The following EXOC6B variants were observed in gnomAD, a reference collection of about 807,000 sequenced individuals.
EXOC6B encodes the protein SEC15 homolog B.
EXOC6B carries 54 observed loss-of-function variants against 113.5 expected under a neutral mutation model. The observed-to-expected ratio is 0.48, with a 90% CI of 0.38 to 0.60. The LOEUF (loss-of-function observed/expected upper bound fraction) is 0.60. EXOC6B is among the 20% of genes least tolerant of loss of function. The pLI, the probability that EXOC6B is intolerant of heterozygous loss-of-function variation, is 0.00. For synonymous variants in EXOC6B, 357 were observed against 339.0 expected, an observed-to-expected ratio of 1.05 and a Z score of -0.58; for missense variants, 797 against 977.5, an observed-to-expected ratio of 0.82 and a Z score of 2.46.
intron 6 of EXOC6B, among the ~76,000 whole-genome samples, chr2:72,605,009 C>T (rs1670661153): frequency 6.6e-6 from 1 of 152,060 alleles, no homozygotes; most frequent in Non-Finnish European, 1.5e-5. Flanking sequence ...GAATCTCCAA[C>T]TTGGCCAGGC....
At chr2:72,806,832 T>C (rs1445132215) in intron 1 of EXOC6B, among the ~76,000 whole-genome samples, 1 of 152,230 alleles carries the variant, frequency 6.6e-6, no homozygotes, top group Non-Finnish European at 1.5e-5. Flanking sequence ...ATGTGTGTCT[T>C]CTTTCGAAAA....
At chr2:72,283,719 GAA>G (rs1685262053) in intron 20 of EXOC6B, among the ~76,000 whole-genome samples, 1 of 152,082 alleles carries the variant, frequency 6.6e-6, no homozygotes, top group Non-Finnish European at 1.5e-5. Context: ...TGCCCCAGGA[GAA>G]ACTAGTCAAC....
At chr2:72,307,730 G>A (rs1184287706) in intron 20 of EXOC6B, among the ~76,000 whole-genome samples, 2 of 152,062 alleles carry the variant, frequency 1.3e-5, no homozygotes, top group Non-Finnish European at 2.9e-5. Context: ...TAGCAAGCAG[G>A]CATTCTTTGC....
intron 20 of EXOC6B, among the ~76,000 whole-genome samples, chr2:72,272,978 G>A (rs1224393894): frequency 6.6e-6 from 1 of 152,122 alleles, no homozygotes; most frequent in Non-Finnish European, 1.5e-5. Flanking sequence ...TAAAAGGTGA[G>A]ATTTTAGACT....
intron 16 of EXOC6B, among the ~76,000 whole-genome samples, chr2:72,489,523 T>C (rs1192996562): frequency 6.6e-6 from 1 of 152,202 alleles, no homozygotes; most frequent in Non-Finnish European, 1.5e-5. Context: ...GTATTTGCTA[T>C]ATACCAGGCA....
intron 18 of EXOC6B, among the ~76,000 whole-genome samples, chr2:72,447,822 T>C (rs1313799049): frequency 2.0e-5 from 3 of 152,178 alleles, no homozygotes; most frequent in South Asian, 2.1e-4. Context: ...GTTATACTTA[T>C]TATATGCAAT....
At chr2:72,357,953 C>T (rs919474922) in intron 19 of EXOC6B, among the ~76,000 whole-genome samples, 1 of 152,002 alleles carries the variant, frequency 6.6e-6, no homozygotes, top group Non-Finnish European at 1.5e-5. Flanking sequence ...AACCACCTTA[C>T]GAAGCACTTC....
chr2:72,543,935 A>G (rs539952904), intron 8 of EXOC6B, among the ~76,000 whole-genome samples: 1 of 152,328 alleles, frequency 6.6e-6, no homozygotes, highest in Non-Finnish European at 1.5e-5. Flanking sequence ...ACATTAAAAA[A>G]TATCTCTAAA....
At chr2:72,380,522 C>A (rs1422988976) in intron 18 of EXOC6B, among the ~76,000 whole-genome samples, 1 of 152,030 alleles carries the variant, frequency 6.6e-6, no homozygotes, top group Non-Finnish European at 1.5e-5. Flanking sequence ...CGCCTGTAGT[C>A]CCAGCTACTC....
rs749582646 is a variant in EXOC6B at position 72,733,091 on chromosome 2, G to A, written c.307C>T (p.Leu103=). The change falls in exon 3 of 22, where the codon CTA becomes TTA. Residue 103 remains leucine (L), a synonymous_variant. Transcript: ENST00000272427. ...CTTACTTCCTTTCCCTCATGTTGTA[G>A]TTTTCTATTAGTATCCGTCACTTGA... The part of the protein sequence containing the change: ...KNQVTDTNRK[L]QHEGKELVIA... 9 of 1,594,054 alleles carry A rather than the reference G, an allele frequency of 5.6e-6. No homozygotes were observed. Among genetic ancestry groups the A allele is most frequent in the Non-Finnish European group, 7.7e-6 (9 of 1,168,342 alleles).
intron 8 of EXOC6B, among the ~76,000 whole-genome samples, chr2:72,546,252 C>G (rs1316104947): frequency 6.6e-6 from 1 of 152,160 alleles, no homozygotes; most frequent in Non-Finnish European, 1.5e-5. Flanking sequence ...AGTTGGAGAC[C>G]AGCCTGGCCA....
intron 6 of EXOC6B, among the ~76,000 whole-genome samples, chr2:72,699,540 T>C (rs1379107967): frequency 6.6e-6 from 1 of 151,780 alleles, no homozygotes; most frequent in Non-Finnish European, 1.5e-5. Flanking sequence ...ACAGACTTCT[T>C]CATTAGGGAA....
chr2:72,700,159 G>T (rs553116740), intron 6 of EXOC6B, among the ~76,000 whole-genome samples: 1 of 150,366 alleles, frequency 6.7e-6, no homozygotes, highest in Admixed American at 6.7e-5. Context: ...GGTTTTCTAC[G>T]AATATTTTCA....
At chr2:72,773,460 A>C (rs1476817346) in intron 1 of EXOC6B, among the ~76,000 whole-genome samples, 2 of 151,888 alleles carry the variant, frequency 1.3e-5, no homozygotes, top group African/African-American at 4.8e-5. Context: ...AAAAAAAAAA[A>C]AAAGGCAACT....
At chr2:72,458,566 T>A (rs910397622) in intron 18 of EXOC6B, among the ~76,000 whole-genome samples, 2 of 152,144 alleles carry the variant, frequency 1.3e-5, no homozygotes, top group African/African-American at 4.8e-5. Flanking sequence ...ACTTTGATTC[T>A]GAATGGTACA....
At chr2:72,403,720 A>C (rs1693509097) in intron 18 of EXOC6B, among the ~76,000 whole-genome samples, 1 of 151,934 alleles carries the variant, frequency 6.6e-6, no homozygotes, top group Non-Finnish European at 1.5e-5. Flanking sequence ...AAAGTAAAAA[A>C]CTTAAAAATA....
intron 5 of EXOC6B, among the ~76,000 whole-genome samples, chr2:72,724,065 G>A (rs1404370006): frequency 6.6e-6 from 1 of 152,168 alleles, no homozygotes; most frequent in Non-Finnish European, 1.5e-5. Flanking sequence ...TTGAAGTTGT[G>A]TGGCAGAGTT....
At chr2:72,519,874 C>G (rs532911270) in intron 8 of EXOC6B, among the ~76,000 whole-genome samples, 1 of 152,250 alleles carries the variant, frequency 6.6e-6, no homozygotes, top group African/African-American at 2.4e-5. Flanking sequence ...AGAGAAAGGG[C>G]TCTAAGAAAT....
chr2:72,250,452 C>G (rs1048912537), intron 20 of EXOC6B, among the ~76,000 whole-genome samples: 1 of 152,124 alleles, frequency 6.6e-6, no homozygotes, highest in Non-Finnish European at 1.5e-5. Context: ...AAGCAATCCT[C>G]TTAGGTCATC....
Sources: allele counts gnomAD v4.1 joint callset (sites outside exome capture counted in the v4.1 genomes callset), GRCh38; gene constraint gnomAD v4.1.1; transcripts MANE v1.5; gene names NCBI Gene and HGNC (gene_info 2026-07-23, HGNC 2026-07-21).